The following ADGRL2 variants were observed in gnomAD, a reference collection of about 807,000 sequenced individuals.
The protein encoded by ADGRL2 is calcium-independent alpha-latrotoxin receptor 2.
A neutral mutation model predicts 157.4 loss-of-function variants in ADGRL2; 44 were observed. That is an observed-to-expected ratio of 0.28 (90% CI 0.22 to 0.36). The LOEUF (loss-of-function observed/expected upper bound fraction) is 0.36. Ranked by LOEUF, ADGRL2 falls within the 10% of genes least tolerant of loss-of-function variation. The pLI is 1.00. For missense variants in ADGRL2, 1,510 were observed against 1,768.9 expected (o/e 0.85, Z 2.63); for synonymous variants, 585 against 624.7 (o/e 0.94, Z 0.95).
At chr1:81,832,977 A>G (rs773863085) in intron 1 of ADGRL2, among the ~76,000 whole-genome samples, 5 of 152,228 alleles carry the variant, frequency 3.3e-5, no homozygotes, top group Middle Eastern at 3.2e-3. Context: ...AAATAAAACT[A>G]TAATTTATTT....
At chr1:81,467,834 A>G in intron 2 of ADGRL2, among the ~76,000 whole-genome samples, 1 of 151,598 alleles carries the variant, frequency 6.6e-6, no homozygotes, top group East Asian at 2.0e-4. Flanking sequence ...AGAAAGGAAC[A>G]ATATATGTAA....
chr1:81,395,291 A>C (rs535070672), intron 1 of ADGRL2, among the ~76,000 whole-genome samples: 1 of 152,114 alleles, frequency 6.6e-6, no homozygotes, highest in Admixed American at 6.5e-5. Flanking sequence ...AGTGATGTTG[A>C]GCATTTTTTC....
intron 2 of ADGRL2, among the ~76,000 whole-genome samples, chr1:81,513,270 G>C (rs1321941267): frequency 6.6e-6 from 1 of 152,132 alleles, no homozygotes; most frequent in Admixed American, 6.6e-5. Context: ...TAATCACTCT[G>C]TATCCTTAGG....
At chr1:81,722,707 G>A (rs2084373911) in intron 1 of ADGRL2, 5 of 989,124 alleles carry the variant, frequency 5.1e-6, no homozygotes, top group African/African-American at 3.2e-5. Context: ...AAGTATGAGC[G>A]AAACGTGAAG....
intron 3 of ADGRL2, among the ~76,000 whole-genome samples, chr1:81,919,602 A>T (rs1179978290): frequency 6.6e-6 from 1 of 152,028 alleles, no homozygotes; most frequent in Non-Finnish European, 1.5e-5. Flanking sequence ...ATCACACAGG[A>T]ATAGAATGTA....
At chr1:81,641,149 C>T (rs1311560739) in intron 3 of ADGRL2, among the ~76,000 whole-genome samples, 1 of 152,084 alleles carries the variant, frequency 6.6e-6, no homozygotes, top group East Asian at 1.9e-4. Context: ...CAATTGAGAT[C>T]TTTTTAAAAA....
At chr1:81,806,581 T>C (rs1179950957) in intron 1 of ADGRL2, among the ~76,000 whole-genome samples, 1 of 152,050 alleles carries the variant, frequency 6.6e-6, no homozygotes, top group Non-Finnish European at 1.5e-5. Context: ...ACTAGAAATC[T>C]ACAAACCATA....
At chr1:81,751,410 T>A (rs2149267479) in intron 1 of ADGRL2, among the ~76,000 whole-genome samples, 1 of 152,164 alleles carries the variant, frequency 6.6e-6, no homozygotes, top group East Asian at 1.9e-4. Context: ...ACTTTTGTGA[T>A]TTTTCCGCCA....
At chr1:81,557,509 G>GA (rs368280494) in intron 2 of ADGRL2, 1 of 135,334 alleles carries the variant, frequency 7.4e-6, no homozygotes, top group Non-Finnish European at 1.6e-5. Flanking sequence ...AAGAAAGAAA[G>GA]AAAGAAAGAA....
chr1:81,968,465 A>T (rs182645868), intron 14 of ADGRL2, among the ~76,000 whole-genome samples: 1 of 152,312 alleles, frequency 6.6e-6, no homozygotes, highest in African/African-American at 2.4e-5. Flanking sequence ...AGAAGATTTA[A>T]ATAATGAGCA....
intron 2 of ADGRL2, among the ~76,000 whole-genome samples, chr1:81,543,374 A>C (rs1294729504): frequency 6.6e-6 from 1 of 152,170 alleles, no homozygotes; most frequent in African/African-American, 2.4e-5. Context: ...TCTATGAAGA[A>C]GCAGGCCCTT....
At chr1:81,947,373 G>C (rs1650244034) in intron 6 of ADGRL2, among the ~76,000 whole-genome samples, 1 of 152,170 alleles carries the variant, frequency 6.6e-6, no homozygotes, top group African/African-American at 2.4e-5. Context: ...TAACTGCAAG[G>C]TTACTTGTTG....
intron 2 of ADGRL2, among the ~76,000 whole-genome samples, chr1:81,490,295 C>G (rs998654375): frequency 6.6e-6 from 1 of 152,064 alleles, no homozygotes; most frequent in African/African-American, 2.4e-5. Context: ...TGATGTCTGG[C>G]TACTTTTTGT....
chr1:81,721,493 C>T (rs1011792652), intron 1 of ADGRL2, among the ~76,000 whole-genome samples: 1 of 152,140 alleles, frequency 6.6e-6, no homozygotes, highest in Non-Finnish European at 1.5e-5. Context: ...TAGTGGCTCA[C>T]GCTTGTAATC....
intron 1 of ADGRL2, among the ~76,000 whole-genome samples, chr1:81,361,868 C>T (rs1156801233): frequency 6.6e-6 from 1 of 151,832 alleles, no homozygotes; most frequent in Non-Finnish European, 1.5e-5. Context: ...CCCATGAAAC[C>T]TCATAGCTAT....
intron 1 of ADGRL2, among the ~76,000 whole-genome samples, chr1:81,439,825 G>A (rs921618654): frequency 2.6e-5 from 4 of 152,340 alleles, no homozygotes; most frequent in African/African-American, 9.6e-5. Context: ...AGCCTTTCTT[G>A]CTACCTGCAC....
chr1:81,927,364 A>G (rs988813221), intron 3 of ADGRL2, among the ~76,000 whole-genome samples: 1 of 152,066 alleles, frequency 6.6e-6, no homozygotes, highest in African/African-American at 2.4e-5. Flanking sequence ...TATGATTATC[A>G]TTTTAATAAT....
intron 2 of ADGRL2, chr1:81,503,254 A>G: frequency 1.2e-6 from 2 of 1,614,230 alleles, no homozygotes; most frequent in Non-Finnish European, 1.7e-6. Flanking sequence ...GACCACGAGT[A>G]GCATTGGGAG....
At chr1:81,485,716 A>T (rs1035941626) in intron 2 of ADGRL2, among the ~76,000 whole-genome samples, 1 of 152,138 alleles carries the variant, frequency 6.6e-6, no homozygotes, top group Non-Finnish European at 1.5e-5. Flanking sequence ...GTTGCTAAGA[A>T]ACACTGACCC....
Sources: gnomAD v4.1 joint callset for allele counts (sites outside exome capture counted in the v4.1 genomes callset) on GRCh38, gnomAD v4.1.1 for gene constraint, MANE v1.5 for transcripts, NCBI Gene and HGNC (gene_info 2026-07-23, HGNC 2026-07-21) for gene names.